The following TAMM41 variants were observed in gnomAD, a reference collection of about 807,000 sequenced individuals.
TAMM41 encodes the protein phosphatidate cytidylyltransferase, mitochondrial.
In TAMM41, 36 loss-of-function variants were observed where a neutral mutation model predicts 44.1. That is an observed-to-expected ratio of 0.82 (90% confidence interval 0.63 to 1.08). The LOEUF (loss-of-function observed/expected upper bound fraction) is 1.08, where lower values mean the gene tolerates loss of function less well. Among genes scored for constraint, TAMM41 ranks in the 50% least tolerant of loss-of-function variants. TAMM41 has a pLI of 0.00. For missense variants in TAMM41, 417 were observed against 404.3 expected (o/e 1.03, Z -0.27); for synonymous variants, 164 against 153.1 (o/e 1.07, Z -0.53).
intron 5 of TAMM41, among the ~76,000 whole-genome samples, chr3:11,816,094 T>A (rs569838743): frequency 2.6e-5 from 4 of 152,312 alleles, no homozygotes; most frequent in Admixed American, 6.5e-5. Flanking sequence ...CCTATTTTTT[T>A]AAATTCCCTT....
At chr3:11,796,529 C>CT in intron 7 of TAMM41, among the ~76,000 whole-genome samples, 1 of 152,256 alleles carries the variant, frequency 6.6e-6, no homozygotes, top group South Asian at 2.1e-4. Context: ...CCAAATCTTC[C>CT]TTTTTATCCC....
intron 4 of TAMM41, among the ~76,000 whole-genome samples, chr3:11,827,767 TATA>T (rs2125024261): frequency 6.6e-6 from 1 of 152,268 alleles, no homozygotes; most frequent in South Asian, 2.1e-4. Flanking sequence ...ACCCATAATT[TATA>T]ATAATACTGA....
the TAMM41 span, among the ~76,000 whole-genome samples, chr3:11,739,504 A>T: frequency 6.6e-6 from 1 of 151,964 alleles, no homozygotes; most frequent in Non-Finnish European, 1.5e-5. Context: ...CAGTGAACTT[A>T]AGGATAGAAG....
intron 2 of TAMM41, chr3:11,843,466 GT>G (rs1271678378): frequency 6.5e-6 from 1 of 152,742 alleles, no homozygotes; most frequent in Non-Finnish European, 1.5e-5. Flanking sequence ...GCCGGGCTCA[GT>G]GGCTCACGCC....
the TAMM41 span, among the ~76,000 whole-genome samples, chr3:11,757,070 T>C: frequency 2.0e-5 from 3 of 152,154 alleles, no homozygotes; most frequent in Non-Finnish European, 4.4e-5. Flanking sequence ...AAACATCCCA[T>C]GCCATCGTTC....
intron 3 of TAMM41, among the ~76,000 whole-genome samples, chr3:11,830,131 T>A (rs2078924119): frequency 1.3e-5 from 2 of 152,154 alleles, no homozygotes; most frequent in Non-Finnish European, 2.9e-5. Context: ...CAGCATAGGT[T>A]TAGAAAAAGA....
the TAMM41 span, among the ~76,000 whole-genome samples, chr3:11,736,596 G>A: frequency 1.3e-5 from 2 of 152,172 alleles, no homozygotes; most frequent in East Asian, 3.9e-4. Flanking sequence ...GATGGCGTCT[G>A]GGTCTTTTAT....
At chr3:11,752,677 T>C in the TAMM41 span, among the ~76,000 whole-genome samples, 2 of 134,412 alleles carry the variant, frequency 1.5e-5, no homozygotes, top group East Asian at 5.2e-4. Context: ...TTGCTCTCTA[T>C]CACCCAGGCT....
In TAMM41 at chr3:11,807,915, AAGG is replaced by A. The variant is rs770789433; in HGVS notation, c.875-23_875-21del. On this transcript the variant is annotated intron_variant, in intron 6 of 7. Coordinates refer to ENST00000455809, the MANE Select transcript of TAMM41 (RefSeq NM_001284401.2). The stretch of plus-strand genomic sequence containing the variant: ...AAAGCCCTGCGAGAAAAAAACCAAA[AAGG>A]AGACCAAAAAAACCCAAAACAGATG... The A allele has an allele frequency of 5.3e-6, 8 of 1,498,626 alleles. No homozygotes were observed. The South Asian group carries it at 1.0e-4, about 19-fold the overall frequency. 92.8% of individuals were successfully genotyped at this position (1,498,626 alleles called of 1,614,324 possible). A position where few individuals can be genotyped will look rare whatever the true frequency, so the allele number is the denominator to read the frequency against.
the TAMM41 span, among the ~76,000 whole-genome samples, chr3:11,775,226 A>G: frequency 5.9e-3 from 2 of 340 alleles, no homozygotes; most frequent in South Asian, 0.1. Flanking sequence ...GGGGACACAC[A>G]AATTCAGACC....
downstream of TAMM41, among the ~76,000 whole-genome samples, chr3:11,787,771 C>A (rs954969813): frequency 2.0e-5 from 3 of 152,188 alleles, no homozygotes; most frequent in African/African-American, 4.8e-5. Flanking sequence ...GGTTAAGCAA[C>A]TTGACCAAGG....
At chr3:11,816,871 C>G (rs1020253239) in intron 5 of TAMM41, among the ~76,000 whole-genome samples, 3 of 152,100 alleles carry the variant, frequency 2.0e-5, no homozygotes, top group Non-Finnish European at 4.4e-5. Context: ...TGAGAGTGAT[C>G]TAAAAGTTTA....
At chr3:11,775,277 A>G in the TAMM41 span, among the ~76,000 whole-genome samples, 2 of 152,148 alleles carry the variant, frequency 1.3e-5, no homozygotes, top group Admixed American at 1.3e-4. Context: ...CTTTCCTTAT[A>G]ACTATCACTG....
chr3:11,771,051 A>AC, the TAMM41 span, among the ~76,000 whole-genome samples: 1 of 150,380 alleles, frequency 6.6e-6, no homozygotes, highest in African/African-American at 2.5e-5. Flanking sequence ...TAGGCTTAGG[A>AC]CCCAGGTCCC....
At chr3:11,759,622 C>T in the TAMM41 span, among the ~76,000 whole-genome samples, 2 of 152,186 alleles carry the variant, frequency 1.3e-5, no homozygotes, top group East Asian at 3.9e-4. Flanking sequence ...ACCCCAGTTC[C>T]TCCACCTTCC....
At chr3:11,836,701 T>C (rs1163762611) in intron 3 of TAMM41, among the ~76,000 whole-genome samples, 3 of 152,154 alleles carry the variant, frequency 2.0e-5, no homozygotes, top group Non-Finnish European at 2.9e-5. Context: ...TGACCTCAAG[T>C]GATCCACCCG....
the TAMM41 span, among the ~76,000 whole-genome samples, chr3:11,769,355 ATT>A: frequency 0.12 from 15,337 of 132,548 alleles, 844 homozygotes; most frequent in African/African-American, 0.26. Context: ...CTCCCAAGAG[ATT>A]TTTTTTTTTT....
At chr3:11,843,254 T>C (rs2079530328) in intron 2 of TAMM41, among the ~76,000 whole-genome samples, 1 of 152,152 alleles carries the variant, frequency 6.6e-6, no homozygotes, top group Non-Finnish European at 1.5e-5. Flanking sequence ...AGACCAATGG[T>C]TCTAGACCAG....
chr3:11,846,480 T>C (rs1158977594), intron 1 of TAMM41, 22 bp downstream of exon 1: 2 of 1,613,848 alleles, frequency 1.2e-6, no homozygotes, highest in Non-Finnish European at 8.5e-7. Context: ...CAGTTCCCCG[T>C]CGTGGGGCTG....
Sources: gnomAD v4.1 joint callset for allele counts (sites outside exome capture counted in the v4.1 genomes callset) on GRCh38, gnomAD v4.1.1 for gene constraint, MANE v1.5 for transcripts, NCBI Gene and HGNC (gene_info 2026-07-23, HGNC 2026-07-21) for gene names.